The following ZCCHC10 variants were observed in gnomAD, a reference collection of about 807,000 sequenced individuals.
The protein encoded by ZCCHC10 is zinc finger CCHC domain-containing protein 10.
In ZCCHC10, 16 loss-of-function variants were observed where a neutral mutation model predicts 19.5. The ratio of observed to expected loss-of-function variants is 0.82; its 90% CI spans 0.56 to 1.25. The LOEUF is 1.25. Ranked by LOEUF, ZCCHC10 falls within the 50% of genes most tolerant of loss-of-function variation. ZCCHC10 has a pLI of 0.00. For synonymous variants in ZCCHC10, 67 were observed against 72.5 expected (o/e 0.92, Z 0.38); for missense variants, 197 against 201.0 (o/e 0.98, Z 0.12).
Position 133,004,308 on chromosome 5 carries a change from G to C in ZCCHC10, c.269+2451C>G, listed in dbSNP as rs376277719. Among the ~76,000 whole-genome samples, 7 of 151,724 alleles carry C rather than the reference G, an allele frequency of 4.6e-5. No individual in the cohort carries two copies. The East Asian group carries it at 7.8e-4, about 17-fold the overall frequency. ...TCCTGCCTCAGCCTCCCAAGCAGCT[G>C]GGATTATGGGCATGCGCCACCACGT... On this transcript the variant is annotated intron_variant, in intron 3 of 4. Transcript: ENST00000509437.
intron 3 of ZCCHC10, among the ~76,000 whole-genome samples, chr5:133,005,170 G>A (rs944477390): frequency 6.6e-6 from 1 of 151,890 alleles, no homozygotes; most frequent in African/African-American, 2.4e-5. Flanking sequence ...GTTGTTGCAC[G>A]CACCTATACT....
intron 2 of ZCCHC10, among the ~76,000 whole-genome samples, chr5:133,013,046 G>A (rs1268334999): frequency 3.1e-5 from 4 of 129,524 alleles, no homozygotes; most frequent in African/African-American, 3.0e-5. Context: ...GGGAGACTCC[G>A]TCTCAAAAAA....
intron 2 of ZCCHC10, chr5:133,019,244 G>A (rs1764133757): frequency 1.1e-5 from 3 of 284,592 alleles, no homozygotes; most frequent in Middle Eastern, 4.4e-4. Context: ...ATGAAGCCCA[G>A]GTATGATTAA....
rs1762667739 is a variant in ZCCHC10 at position 133,000,136 on chromosome 5, T to G, written c.307A>C (p.Lys103Gln). Residue 103 changes from lysine to glutamine, a missense_variant, in exon 4 of 5, where the codon AAA (lysine) becomes CAA (glutamine). Lys to Gln is a moderately conservative substitution (Grantham distance 53). Transcript: ENST00000509437. Reference sequence around the variant, plus strand: ...CACTGCTAAAACCACACATACCTTTTTTTCTTGGCCTTTCTTTCTACATTG... The same window carrying G: ...CACTGCTAAAACCACACATACCTTTGTTTCTTGGCCTTTCTTTCTACATTG... ...ETNVERKAKK[K>Q]RSKSVTSSSS... 2.5e-6 allele frequency: 4 copies of G among 1,613,838 alleles called. No homozygotes were observed. The East Asian group carries it at 8.9e-5, about 36-fold the overall frequency.
intron 2 of ZCCHC10, among the ~76,000 whole-genome samples, chr5:133,012,294 C>A (rs2126608590): frequency 1.3e-5 from 2 of 151,420 alleles, no homozygotes; most frequent in East Asian, 3.9e-4. Flanking sequence ...ACAGTGAAAC[C>A]CCATCTTTAC....
intron 1 of ZCCHC10, 88 bp downstream of exon 1, chr5:133,026,409 G>C: frequency 1.3e-6 from 2 of 1,531,756 alleles, no homozygotes; most frequent in Non-Finnish European, 1.8e-6. Flanking sequence ...ATTCTCCGCC[G>C]GTCCCAATAG....
At position 132,998,647 on chromosome 5, in the gene ZCCHC10, C is replaced by T. The variant is rs1561529262; in HGVS notation, c.515G>A (p.Ser172Asn). The change falls in exon 5 of 5, where the codon AGC (serine) becomes AAC (asparagine). Residue 172 changes from serine (S) to asparagine (N), a missense_variant. Transcript: ENST00000509437. Reference sequence around the variant, plus strand: ...GCTGCTATCTGTGCTGGTGCTACTGCTACTGGAAGAGCTGGAATCTGAGTC... The same window carrying T: ...GCTGCTATCTGTGCTGGTGCTACTGTTACTGGAAGAGCTGGAATCTGAGTC... ...DSDSDSSSSS[S>N]SSTSTDSSSD... 1 of 1,614,082 alleles carries T rather than the reference C, an allele frequency of 6.2e-7. No individual in the cohort carries two copies. Among genetic ancestry groups the T allele is most frequent in the East Asian group, 2.2e-5 (1 of 44,884 alleles).
chr5:133,019,116 G>T (rs1449022673), intron 2 of ZCCHC10: 4 of 449,460 alleles, frequency 8.9e-6, no homozygotes, highest in African/African-American at 8.1e-5. Flanking sequence ...GGACGCAGTG[G>T]CTCACGCCTA....
chr5:133,020,192 C>T (rs11743034), intron 2 of ZCCHC10, among the ~76,000 whole-genome samples: 32,208 of 151,480 alleles, frequency 0.21, 3,581 homozygotes, highest in Non-Finnish European at 0.25. Context: ...TGGCCAGGAG[C>T]GGTGGTTCAC....
At chr5:133,025,602 T>C (rs551128215) in intron 1 of ZCCHC10, among the ~76,000 whole-genome samples, 27 of 152,164 alleles carry the variant, frequency 1.8e-4, no homozygotes, top group African/African-American at 6.5e-4. Flanking sequence ...CTCTCTCTTG[T>C]TCATTAGGCG....
At chr5:133,009,793 A>G (rs1236237368) in intron 2 of ZCCHC10, among the ~76,000 whole-genome samples, 2 of 152,096 alleles carry the variant, frequency 1.3e-5, no homozygotes, top group Non-Finnish European at 2.9e-5. Context: ...TACCCTACAA[A>G]TAAACCCAAG....
At chr5:133,018,189 T>C (rs938475799) in intron 2 of ZCCHC10, among the ~76,000 whole-genome samples, 1 of 150,632 alleles carries the variant, frequency 6.6e-6, no homozygotes, top group African/African-American at 2.4e-5. Flanking sequence ...AGTGCACAGA[T>C]AGTAAACAAA....
chr5:133,006,336 T>C (rs1763119645), intron 3 of ZCCHC10, among the ~76,000 whole-genome samples: 1 of 152,140 alleles, frequency 6.6e-6, no homozygotes, highest in Non-Finnish European at 1.5e-5. Flanking sequence ...CTTGGATAGC[T>C]TTCCATGTCA....
rs1763158937 is a variant in ZCCHC10, at chr5:133,006,924, CA to C, written c.108-5del. ...TACATGTTGCTTATTTGCTTCACTACAGAACAAAAAACAGAATACAAGCCTT... is the reference window on the plus strand; with the variant it reads ...TACATGTTGCTTATTTGCTTCACTACGAACAAAAAACAGAATACAAGCCTT... On this transcript the variant is annotated splice_polypyrimidine_tract_variant and splice_region_variant and intron_variant, in intron 2 of 4. Coordinates refer to ENST00000509437, the MANE Select transcript of ZCCHC10 (RefSeq NM_001300816.3). 6.3e-7 allele frequency: 1 copy of C among 1,592,822 alleles called. No individual in the cohort carries two copies. Among genetic ancestry groups the C allele is most frequent in the Admixed American group, 1.8e-5 (1 of 55,488 alleles).
chr5:133,002,074 C>T (rs1453857726), intron 3 of ZCCHC10, among the ~76,000 whole-genome samples: 1 of 147,496 alleles, frequency 6.8e-6, no homozygotes, highest in Non-Finnish European at 1.5e-5. Context: ...CCATTTCCTG[C>T]CTCAGCCTCC....
intron 2 of ZCCHC10, among the ~76,000 whole-genome samples, chr5:133,019,504 A>G (rs1191826699): frequency 6.6e-6 from 1 of 152,190 alleles, no homozygotes; most frequent in Admixed American, 6.6e-5. Context: ...CAAAAATACT[A>G]GGACACACTT....
At chr5:133,020,622 TAAAAAA>T (rs144162284) in intron 2 of ZCCHC10, among the ~76,000 whole-genome samples, 1 of 124,708 alleles carries the variant, frequency 8.0e-6, no homozygotes, top group African/African-American at 2.9e-5. Flanking sequence ...AGCCTGTCTT[TAAAAAA>T]AAAAAAAAAA....
At chr5:133,023,456 A>G (rs2126658909) in intron 1 of ZCCHC10, among the ~76,000 whole-genome samples, 1 of 147,636 alleles carries the variant, frequency 6.8e-6, no homozygotes, top group South Asian at 2.1e-4. Context: ...TATTAGTCCA[A>G]AGACCTTTTT....
At chr5:133,024,880 G>A (rs918285086) in intron 1 of ZCCHC10, among the ~76,000 whole-genome samples, 4 of 151,846 alleles carry the variant, frequency 2.6e-5, no homozygotes, top group Non-Finnish European at 4.4e-5. Context: ...TCCAGCCTGG[G>A]CAACAGAGTG....
Sources: gnomAD v4.1 joint callset for allele counts (sites outside exome capture counted in the v4.1 genomes callset) on GRCh38, gnomAD v4.1.1 for gene constraint, MANE v1.5 for transcripts, NCBI Gene and HGNC (gene_info 2026-07-23, HGNC 2026-07-21) for gene names.